LARP4B: variants seen among roughly 807,000 people sequenced by gnomAD.
LARP4B encodes la-related protein 4B.
A neutral mutation model predicts 89.8 loss-of-function variants in LARP4B; 12 were observed. That is an observed-to-expected ratio of 0.13 (90% CI 0.09 to 0.22). The LOEUF (loss-of-function observed/expected upper bound fraction) is 0.22, where lower values mean the gene tolerates loss of function less well. LARP4B is among the 10% of genes least tolerant of loss of function. The probability of loss-of-function intolerance (pLI) is 1.00; values close to 1 mark genes in which losing one functional copy is unlikely to be tolerated. For missense variants in LARP4B, 757 were observed against 947.7 expected (o/e 0.80, Z 2.64); for synonymous variants, 367 against 363.3 (o/e 1.01, Z -0.12).
the LARP4B span, among the ~76,000 whole-genome samples, chr10:956,354 T>C: frequency 6.6e-6 from 1 of 151,884 alleles, no homozygotes. This position sits in a 1 kb window ranked among gnomAD's most constrained non-coding sequence, Gnocchi z 4.3. Flanking sequence ...TTTTTTTTTT[T>C]CTTTTTTTTG....
chr10:826,110 G>A (rs1484317995), intron 11 of LARP4B, among the ~76,000 whole-genome samples: 2 of 152,192 alleles, frequency 1.3e-5, no homozygotes, highest in Admixed American at 6.5e-5. Context: ...TGACACATGC[G>A]GAAGCAGGCA....
intron 5 of LARP4B, among the ~76,000 whole-genome samples, chr10:854,046 G>A (rs571160575): frequency 7.2e-5 from 11 of 152,344 alleles, no homozygotes; most frequent in Non-Finnish European, 1.6e-4. Context: ...AATATTCACA[G>A]CGTCTTCACC....
chr10:912,250 T>C (rs1384479287), intron 1 of LARP4B, among the ~76,000 whole-genome samples: 3 of 148,280 alleles, frequency 2.0e-5, no homozygotes, highest in African/African-American at 5.0e-5. Context: ...ACACATAAAA[T>C]ACACTAACAC....
chr10:818,855 C>T (rs992443210), intron 14 of LARP4B: 2 of 152,218 alleles, frequency 1.3e-5, no homozygotes, highest in Non-Finnish European at 2.9e-5. Context: ...AGTTTATACA[C>T]AGGAAGGTGA....
At chr10:936,231 G>C (rs1830747063), upstream of LARP4B, among the ~76,000 whole-genome samples, 1 of 152,156 alleles carries the variant, frequency 6.6e-6, no homozygotes, top group Non-Finnish European at 1.5e-5. Context: ...CAGATGAGAA[G>C]CAGGTAACGA....
At chr10:820,294 T>C (rs1407672194) in intron 14 of LARP4B, 2 of 153,172 alleles carry the variant, frequency 1.3e-5, no homozygotes, top group African/African-American at 4.8e-5. Flanking sequence ...CAAAAACCTA[T>C]CACTTATGTT....
intron 13 of LARP4B, among the ~76,000 whole-genome samples, chr10:824,770 G>C (rs1166121052): frequency 6.6e-6 from 1 of 152,244 alleles, no homozygotes; most frequent in African/African-American, 2.4e-5. Flanking sequence ...GGCCTGGTGA[G>C]CCAGGGGTGC....
chr10:912,228 T>C (rs1836684768), intron 1 of LARP4B, among the ~76,000 whole-genome samples: 2 of 151,728 alleles, frequency 1.3e-5, no homozygotes, highest in Admixed American at 1.3e-4. Flanking sequence ...TGGGCCACAC[T>C]GATCTTGGGC....
chr10:943,242 T>G, the LARP4B span, among the ~76,000 whole-genome samples: 1 of 152,100 alleles, frequency 6.6e-6, no homozygotes, highest in African/African-American at 2.4e-5. Flanking sequence ...CCACCGCACC[T>G]GGCCTCACAA....
intron 1 of LARP4B, among the ~76,000 whole-genome samples, chr10:895,919 A>G (rs1836176709): frequency 6.6e-6 from 1 of 152,216 alleles, no homozygotes; most frequent in Admixed American, 6.5e-5. Context: ...CAGTTTTTTA[A>G]ATAACATATT....
intron 1 of LARP4B, among the ~76,000 whole-genome samples, chr10:909,111 G>A (rs7908870): frequency 0.34 from 52,139 of 151,760 alleles, 9,617 homozygotes; most frequent in East Asian, 0.54. Flanking sequence ...TGGCTAACAC[G>A]GTGAAACCCC....
At chr10:946,882 C>G in the LARP4B span, among the ~76,000 whole-genome samples, 2 of 151,160 alleles carry the variant, frequency 1.3e-5, no homozygotes, top group African/African-American at 2.4e-5. Context: ...TTTTTTTTTC[C>G]TTTTGAGACA....
rs117102099 is a variant in LARP4B at position 851,825 on chromosome 10, G to A, written c.431-6770C>T. ...CATGCTTGTAATCTCAGCATCTAGA[G>A]AGGCTGAGGTGAGCGGATCGCTTGA... On this transcript the variant is annotated intron_variant, in intron 5 of 17. Coordinates refer to ENST00000316157, the MANE Select transcript of LARP4B (RefSeq NM_015155.3). Among the ~76,000 whole-genome samples, 517 of 152,196 alleles carry A rather than the reference G, an allele frequency of 3.4e-3. 3 individuals carry two copies. The highest frequency in any genetic ancestry group is 0.01 in the Admixed American group (159 of 15,288).
intron 2 of LARP4B, among the ~76,000 whole-genome samples, chr10:885,270 T>C (rs1408255065): frequency 6.6e-6 from 1 of 152,204 alleles, no homozygotes; most frequent in African/African-American, 2.4e-5. Context: ...TTATTAGCTC[T>C]AGGTCACATC....
intron 1 of LARP4B, among the ~76,000 whole-genome samples, chr10:888,942 G>T (rs182278328): frequency 5.9e-5 from 9 of 152,128 alleles, no homozygotes; most frequent in African/African-American, 2.2e-4. Flanking sequence ...AAAATTAGCC[G>T]GGTGTGGTGG....
chr10:968,354 G>T, the LARP4B span, among the ~76,000 whole-genome samples: 1 of 143,892 alleles, frequency 6.9e-6, no homozygotes, highest in South Asian at 2.3e-4. Flanking sequence ...AATTAAAATA[G>T]TTCTTAGAGA....
At chr10:891,788 C>A (rs1405495259) in intron 1 of LARP4B, among the ~76,000 whole-genome samples, 1 of 152,006 alleles carries the variant, frequency 6.6e-6, no homozygotes, top group African/African-American at 2.4e-5. Context: ...GACAGTTTTT[C>A]AAAAAAGGCT....
intron 5 of LARP4B, among the ~76,000 whole-genome samples, chr10:861,039 C>T (rs1834580742): frequency 6.6e-6 from 1 of 152,068 alleles, no homozygotes; most frequent in South Asian, 2.1e-4. Flanking sequence ...ACCTGTAGTC[C>T]CAGCTACTGG....
chr10:807,928 G>A (rs1218954007), downstream of LARP4B: 1 of 152,268 alleles, frequency 6.6e-6, no homozygotes, highest in East Asian at 1.9e-4. Context: ...GATCGGAAAC[G>A]GCTTGTGCCC....
Sources: gnomAD v4.1 joint callset for allele counts (sites outside exome capture counted in the v4.1 genomes callset) on GRCh38, gnomAD v4.1.1 for gene constraint, Gnocchi (gnomAD v3.1) non-coding constraint, MANE v1.5 for transcripts, NCBI Gene and HGNC (gene_info 2026-07-23, HGNC 2026-07-21) for gene names.